Variants in F13A1 observed in about 807,000 individuals in gnomAD.
F13A1 encodes the protein coagulation factor XIII A chain.
F13A1 carries 47 observed loss-of-function variants against 80.1 expected under a neutral mutation model. The ratio of observed to expected loss-of-function variants is 0.59; its 90% CI spans 0.46 to 0.75. The LOEUF is 0.75. F13A1 is among the 30% of genes least tolerant of loss of function. F13A1 has a pLI of 0.00. For missense variants in F13A1, 817 were observed against 930.4 expected, an observed-to-expected ratio of 0.88 and a Z score of 1.59; for synonymous variants, 349 against 344.9, an observed-to-expected ratio of 1.01 and a Z score of -0.13.
rs536046223 is a variant in F13A1 at position 6,298,296 on chromosome 6, G to A, written c.319+7055C>T. On this transcript the variant is annotated intron_variant, in intron 3 of 14. Coordinates refer to ENST00000264870, the MANE Select transcript of F13A1 (RefSeq NM_000129.4). ...GTGCAGAGCTGAGTTCAATTCCTGGGTATCCTTGTTGACTTTCTGTCTCGT... is the reference window on the plus strand; with the variant it reads ...GTGCAGAGCTGAGTTCAATTCCTGGATATCCTTGTTGACTTTCTGTCTCGT... 1.3e-3 allele frequency among the ~76,000 whole-genome samples: 197 copies of A among 147,360 alleles called. 5 individuals are homozygous for A. Among genetic ancestry groups the A allele is most frequent in the African/African-American group, 5.1e-3 (193 of 37,792 alleles).
chr6:6,157,335 G>A (rs1020475368), intron 13 of F13A1, among the ~76,000 whole-genome samples: 18 of 152,010 alleles, frequency 1.2e-4, no homozygotes, highest in East Asian at 1.9e-4. Context: ...GGAATCTGGC[G>A]GAAGTTGGAT....
At chr6:6,273,664 G>T (rs986797285) in intron 3 of F13A1, among the ~76,000 whole-genome samples, 2 of 152,088 alleles carry the variant, frequency 1.3e-5, no homozygotes, top group East Asian at 3.9e-4. Flanking sequence ...TTCCCAAGGC[G>T]CACCTTTCAT....
intron 3 of F13A1, among the ~76,000 whole-genome samples, chr6:6,295,618 T>G (rs1368933030): frequency 2.1e-5 from 3 of 141,410 alleles, no homozygotes; most frequent in Non-Finnish European, 3.0e-5. Context: ...TAAATTTGTT[T>G]GAGTTCATTG....
chr6:6,259,715 C>T (rs1020960939), intron 4 of F13A1, among the ~76,000 whole-genome samples: 1 of 152,148 alleles, frequency 6.6e-6, no homozygotes, highest in Non-Finnish European at 1.5e-5. Flanking sequence ...ATCAACACAG[C>T]AAACATTTAT....
chr6:6,192,768 TC>T (rs1761224086), intron 10 of F13A1, among the ~76,000 whole-genome samples: 1 of 152,084 alleles, frequency 6.6e-6, no homozygotes, highest in African/African-American at 2.4e-5. Flanking sequence ...CCTGTCAAAA[TC>T]ATCTCAGCGC....
intron 6 of F13A1, among the ~76,000 whole-genome samples, chr6:6,239,651 C>T (rs1757460002): frequency 6.6e-6 from 1 of 152,094 alleles, no homozygotes; most frequent in South Asian, 2.1e-4. Flanking sequence ...TCTGAGGATG[C>T]TCATTTGGCC....
intron 3 of F13A1, among the ~76,000 whole-genome samples, chr6:6,276,670 C>T (rs904190371): frequency 1.7e-4 from 13 of 77,572 alleles, no homozygotes; most frequent in Non-Finnish European, 5.1e-5. Context: ...TCGGCTTGGT[C>T]CAGAGCTGTG....
At chr6:6,189,743 T>C (rs1159073606) in intron 10 of F13A1, among the ~76,000 whole-genome samples, 3 of 149,608 alleles carry the variant, frequency 2.0e-5, no homozygotes, top group African/African-American at 7.4e-5. Flanking sequence ...TGGCGTTCTC[T>C]GTATTTCCTG....
intron 3 of F13A1, among the ~76,000 whole-genome samples, chr6:6,267,668 G>A (rs1216148766): frequency 1.3e-5 from 2 of 151,992 alleles, no homozygotes; most frequent in African/African-American, 4.8e-5. Flanking sequence ...TTCAGAATAC[G>A]TCGTATTTAA....
chr6:6,231,545 C>A (rs913469906), intron 6 of F13A1, among the ~76,000 whole-genome samples: 14 of 152,156 alleles, frequency 9.2e-5, no homozygotes, highest in Admixed American at 9.2e-4. Context: ...TTGCTAGAGA[C>A]CTAGACATCC....
intron 13 of F13A1, among the ~76,000 whole-genome samples, chr6:6,159,708 A>C (rs1322703808): frequency 6.6e-6 from 1 of 152,102 alleles, no homozygotes; most frequent in African/African-American, 2.4e-5. Flanking sequence ...CAACAGTGAT[A>C]CTTCCCATGG....
At chr6:6,256,918 C>A (rs545940932) in intron 4 of F13A1, among the ~76,000 whole-genome samples, 1 of 152,266 alleles carries the variant, frequency 6.6e-6, no homozygotes, top group African/African-American at 2.4e-5. Context: ...AACTATGGTG[C>A]TAGAACAGCT....
intron 3 of F13A1, among the ~76,000 whole-genome samples, chr6:6,274,614 T>C (rs955341091): frequency 6.6e-6 from 1 of 152,192 alleles, no homozygotes; most frequent in African/African-American, 2.4e-5. Context: ...TCCCTAAGAA[T>C]GGCTTATTTC....
intron 14 of F13A1, among the ~76,000 whole-genome samples, chr6:6,147,028 A>G (rs1169520560): frequency 6.6e-6 from 1 of 152,248 alleles, no homozygotes; most frequent in Non-Finnish European, 1.5e-5. Flanking sequence ...ACTGGAGACC[A>G]GTATTCTAAG....
At chr6:6,213,458 C>G (rs1376981127) in intron 8 of F13A1, among the ~76,000 whole-genome samples, 28 of 151,144 alleles carry the variant, frequency 1.9e-4, no homozygotes, top group Non-Finnish European at 2.4e-4. Flanking sequence ...AAATAAAATA[C>G]TTTACAGACA....
At chr6:6,165,753 T>C (rs1212185077) in intron 13 of F13A1, among the ~76,000 whole-genome samples, 1 of 152,230 alleles carries the variant, frequency 6.6e-6, no homozygotes, top group East Asian at 1.9e-4. Flanking sequence ...CACGTTCTCA[T>C]GGATGATGGT....
At chr6:6,312,072 A>G (rs922196277) in intron 2 of F13A1, among the ~76,000 whole-genome samples, 1 of 149,940 alleles carries the variant, frequency 6.7e-6, no homozygotes, top group African/African-American at 2.4e-5. Flanking sequence ...TATACGTATA[A>G]AACAAAATTT....
Position 6,151,920 on chromosome 6 carries a change from G to A in F13A1, c.1938C>T (p.Asp646=), listed in dbSNP as rs770739023. The change falls in exon 14 of 15, where the codon GAC becomes GAT. Residue 646 remains aspartate (D), a synonymous_variant. Coordinates refer to ENST00000264870, the MANE Select transcript of F13A1 (RefSeq NM_000129.4). ...KVRGTQVVGS[D]MTVTVEFTNP... ...TGGTAAACTCAACTGTCACAGTCAT[G>A]TCAGAACCAACTACCTGAGTGCCAC... 2 of 1,614,096 alleles carry A rather than the reference G, an allele frequency of 1.2e-6. No individual in the cohort carries two copies. The highest frequency in any genetic ancestry group is 1.6e-4 in the Middle Eastern group (1 of 6,062).
chr6:6,191,328 C>T (rs999621333), intron 10 of F13A1, among the ~76,000 whole-genome samples: 1 of 152,214 alleles, frequency 6.6e-6, no homozygotes, highest in South Asian at 2.1e-4. Flanking sequence ...GAAAGCCCTA[C>T]ATTTACGGCT....
Sources: allele counts gnomAD v4.1 joint callset (sites outside exome capture counted in the v4.1 genomes callset), GRCh38; gene constraint gnomAD v4.1.1; transcripts MANE v1.5; gene names NCBI Gene and HGNC (gene_info 2026-07-23, HGNC 2026-07-21).